The following PLA2G5 variants were observed in gnomAD, a reference collection of about 807,000 sequenced individuals.
PLA2G5 encodes phospholipase A2 group V.
In PLA2G5, 12 loss-of-function variants were observed where a neutral mutation model predicts 15.9. The ratio of observed to expected loss-of-function variants is 0.76; its 90% CI spans 0.48 to 1.23. The LOEUF (loss-of-function observed/expected upper bound fraction) is 1.23, where lower values mean the gene tolerates loss of function less well. PLA2G5 is among the 50% of genes most tolerant of loss of function. The pLI is 0.00. For missense variants in PLA2G5, 169 were observed against 177.1 expected, an observed-to-expected ratio of 0.95 and a Z score of 0.26; for synonymous variants, 71 against 71.4, an observed-to-expected ratio of 0.99 and a Z score of 0.03.
chr1:20,085,308 T>TATAG (rs1463082986), intron 2 of PLA2G5, among the ~76,000 whole-genome samples: 1 of 152,192 alleles, frequency 6.6e-6, no homozygotes, highest in Non-Finnish European at 1.5e-5. Context: ...GAAGTGACTG[T>TATAG]ATAGATGGCT....
rs1293466074 is a variant in PLA2G5 at position 20,089,809 on chromosome 1, A to C, written c.206A>C (p.His69Pro). 6.2e-7 allele frequency: 1 copy of C among 1,614,144 alleles called. No homozygotes were observed. Among genetic ancestry groups the C allele is most frequent in the South Asian group, 1.1e-5 (1 of 91,088 alleles). The change falls in exon 4 of 5, where the codon CAC (histidine) becomes CCC (proline). Residue 69 changes from histidine to proline, a missense_variant. By Grantham distance (77) the His-to-Pro change is moderately conservative. Transcript: ENST00000375108. ...GTDWCCWAHD[H>P]CYGRLEEKGC... The stretch of plus-strand genomic sequence containing the variant: ...GACAGGTGCTGTTGGGCGCATGACC[A>C]CTGCTATGGGCGGCTGGAGGAGAAG...
chr1:20,074,155 G>C (rs376769813), intron 1 of PLA2G5, among the ~76,000 whole-genome samples: 2 of 152,304 alleles, frequency 1.3e-5, no homozygotes, highest in East Asian at 3.9e-4. Context: ...TTCTAGGCAG[G>C]GGGAGCAGGA....
intron 3 of PLA2G5, among the ~76,000 whole-genome samples, 188 bp from the exon 4 acceptor site, chr1:20,089,601 G>A (rs747546492): frequency 9.2e-5 from 14 of 152,180 alleles, no homozygotes; most frequent in African/African-American, 2.9e-4. Flanking sequence ...GAAAAAGAGG[G>A]TCCATGACCT....
upstream of PLA2G5, among the ~76,000 whole-genome samples, chr1:20,065,396 T>C (rs1160127811): frequency 6.6e-6 from 1 of 152,208 alleles, no homozygotes; most frequent in Non-Finnish European, 1.5e-5. Context: ...TTCACTGCCC[T>C]GAAAATTCTC....
chr1:20,062,860 C>A (rs1353557940), intron 2 of PLA2G5, among the ~76,000 whole-genome samples: 3 of 152,072 alleles, frequency 2.0e-5, no homozygotes, highest in African/African-American at 7.2e-5. Context: ...TAGGCCTGGC[C>A]TTCGAGAGAC....
At chr1:20,034,271 T>G (rs1390465621) in intron 1 of PLA2G5, among the ~76,000 whole-genome samples, 1 of 152,152 alleles carries the variant, frequency 6.6e-6, no homozygotes, top group African/African-American at 2.4e-5. Context: ...CTGGAACCCC[T>G]GTGGAAGTCC....
intron 3 of PLA2G5, among the ~76,000 whole-genome samples, chr1:20,089,187 G>A (rs11573283): frequency 0.032 from 4,905 of 152,206 alleles, 267 homozygotes; most frequent in African/African-American, 0.11. Context: ...GTATTGTTTG[G>A]GAATAATGAC....
upstream of PLA2G5, among the ~76,000 whole-genome samples, chr1:20,069,449 G>C (rs1442332937): frequency 6.6e-6 from 1 of 152,132 alleles, no homozygotes; most frequent in Non-Finnish European, 1.5e-5. Flanking sequence ...GAGGCAGGTG[G>C]ATCATTTGAA....
chr1:20,074,742 C>T (rs1414671246), intron 1 of PLA2G5, among the ~76,000 whole-genome samples: 1 of 152,236 alleles, frequency 6.6e-6, no homozygotes, highest in Non-Finnish European at 1.5e-5. Context: ...GAAAAACGTT[C>T]TTGGATTGAG....
intron 1 of PLA2G5, chr1:20,046,173 T>TAA (rs2013892589): frequency 1.3e-5 from 2 of 152,196 alleles, no homozygotes; most frequent in African/African-American, 4.8e-5. Context: ...TTGTCTTATC[T>TAA]AAAGTCTAAC....
chr1:20,030,070 A>G (rs818671), intron 1 of PLA2G5, among the ~76,000 whole-genome samples: 27,583 of 152,208 alleles, frequency 0.18, 2,581 homozygotes, highest in African/African-American at 0.21. Flanking sequence ...ATTTCTCGTC[A>G]GGTGGGATGA....
chr1:20,070,333 A>T lies in PLA2G5; in HGVS notation c.-143A>T, dbSNP rs775723095. The T allele has an allele frequency of 2.0e-6, 2 of 985,490 alleles. No homozygotes were observed. Among genetic ancestry groups the T allele is most frequent in the Non-Finnish European group, 2.4e-6 (2 of 829,974 alleles). 61.0% of individuals were successfully genotyped at this position (985,490 alleles called of 1,614,324 possible). A position where few individuals can be genotyped will look rare whatever the true frequency, so the allele number is the denominator to read the frequency against. ...AGGCCAAGAATTTGACTCCCCCCGG[A>T]TCCATGGTCTGTGGATACCAATGTT... On this transcript the variant is annotated 5_prime_UTR_variant, in exon 1 of 5. Transcript: ENST00000375108.
At chr1:20,044,551 T>G (rs1049904913) in intron 1 of PLA2G5, among the ~76,000 whole-genome samples, 3 of 152,112 alleles carry the variant, frequency 2.0e-5, no homozygotes, top group African/African-American at 7.2e-5. Context: ...TTATATTTGA[T>G]GAAAAAGAGC....
chr1:20,089,644 A>C lies in PLA2G5; in HGVS notation c.186-145A>C, dbSNP rs867715603. 5 of 633,550 alleles carry C rather than the reference A, an allele frequency of 7.9e-6. No individual in the cohort carries two copies. The South Asian group carries it at 9.1e-5, about 12-fold the overall frequency. 39.2% of individuals were successfully genotyped at this position (633,550 alleles called of 1,614,324 possible). A position where few individuals can be genotyped will look rare whatever the true frequency, so the allele number is the denominator to read the frequency against. On this transcript the variant is annotated intron_variant, in intron 3 of 4. Coordinates refer to ENST00000375108, the MANE Select transcript of PLA2G5 (RefSeq NM_000929.3). Reference sequence around the variant, plus strand: ...AGAAATGAGGAGCAGGAAATTACTCAGTCACACTACCAGATCCTCCCTGCC... The same window carrying C: ...AGAAATGAGGAGCAGGAAATTACTCCGTCACACTACCAGATCCTCCCTGCC...
chr1:20,052,895 A>G (rs1052614309), intron 1 of PLA2G5, among the ~76,000 whole-genome samples: 1 of 152,158 alleles, frequency 6.6e-6, no homozygotes, highest in African/African-American at 2.4e-5. Context: ...GCGAAACTCA[A>G]AAGAATGCCA....
rs1185596944 is a variant in PLA2G5, at chr1:20,090,993, CAG to C, written c.*302_*303del. On this transcript the variant is annotated 3_prime_UTR_variant, in exon 5 of 5. Coordinates refer to ENST00000375108, the MANE Select transcript of PLA2G5 (RefSeq NM_000929.3). ...CTGTGTCTCTTTTCTTCTCTGAAGA[CAG>C]CGTCCTGGCTCCAGTTGGAACACTT... is the stretch of plus-strand genomic sequence containing the variant. 4 of 295,402 alleles carry C rather than the reference CAG, an allele frequency of 1.4e-5. No individual in the cohort carries two copies. The highest frequency in any genetic ancestry group is 2.5e-5 in the Non-Finnish European group (4 of 157,632). 18.3% of individuals were successfully genotyped at this position (295,402 alleles called of 1,614,324 possible).
chr1:20,083,047 C>T lies in PLA2G5; in HGVS notation c.-10-1774C>T, dbSNP rs11573260. ...GAGAGATAGAGGATAGTGCTTGGCACACCAGAGGTGCTCAGTGAGTGGCAG... is the reference window on the plus strand; with the variant it reads ...GAGAGATAGAGGATAGTGCTTGGCATACCAGAGGTGCTCAGTGAGTGGCAG... On this transcript the variant is annotated intron_variant, in intron 1 of 4. Transcript: ENST00000375108. 8.0e-3 allele frequency among the ~76,000 whole-genome samples: 1,222 copies of T among 152,080 alleles called. 9 individuals carry two copies. Among genetic ancestry groups the T allele is most frequent in the Middle Eastern group, 0.017 (5 of 294 alleles).
At chr1:20,079,328 C>T (rs1177600803) in intron 1 of PLA2G5, among the ~76,000 whole-genome samples, 2 of 152,022 alleles carry the variant, frequency 1.3e-5, no homozygotes, top group Non-Finnish European at 2.9e-5. Flanking sequence ...TTCATTTAAT[C>T]CTAACAACAG....
intron 1 of PLA2G5, among the ~76,000 whole-genome samples, chr1:20,041,900 T>C (rs931225058): frequency 6.6e-6 from 1 of 152,170 alleles, no homozygotes; most frequent in African/African-American, 2.4e-5. Context: ...AGCATAAGCA[T>C]TGGCCTGAGC....
Sources: gnomAD v4.1 joint callset for allele counts (sites outside exome capture counted in the v4.1 genomes callset) on GRCh38, gnomAD v4.1.1 for gene constraint, MANE v1.5 for transcripts, NCBI Gene and HGNC (gene_info 2026-07-23, HGNC 2026-07-21) for gene names.